The following RPL23A variants were observed in gnomAD, a reference collection of about 807,000 sequenced individuals.
RPL23A encodes the protein ribosomal protein L23a.
In RPL23A, 2 loss-of-function variants were observed where a neutral mutation model predicts 17.6. The observed-to-expected ratio is 0.11, with a 90% CI of 0.05 to 0.36. The LOEUF (loss-of-function observed/expected upper bound fraction) is 0.36. Among genes scored for constraint, RPL23A ranks in the 10% least tolerant of loss-of-function variants. RPL23A has a pLI of 1.00. For missense variants in RPL23A, 132 were observed against 194.4 expected, an observed-to-expected ratio of 0.68 and a Z score of 1.91; for synonymous variants, 65 against 74.3, an observed-to-expected ratio of 0.87 and a Z score of 0.65.
At chr17:28,720,197 T>G (rs887988907) in intron 1 of RPL23A, 167 bp downstream of exon 1, 337 of 1,532,552 alleles carry the variant, frequency 2.2e-4, no homozygotes, top group Non-Finnish European at 2.8e-4. Context: ...GGGCCCAGCC[T>G]CGTGGGCTGA....
At chr17:28,722,175 G>A (rs1285117392) in intron 2 of RPL23A, among the ~76,000 whole-genome samples, 1 of 151,486 alleles carries the variant, frequency 6.6e-6, no homozygotes, top group African/African-American at 2.4e-5. Flanking sequence ...TGTGAACCCA[G>A]GAGGCGGAGC....
In RPL23A at chr17:28,722,747, G is replaced by T. The variant is rs887213814; in HGVS notation, c.234G>T (p.Lys78Asn). ...GGCTTGACCACTATGCTATCATCAA[G>T]TTTCCGCTGACCACTGAGTCTGCCA... is the stretch of plus-strand genomic sequence containing the variant. ...RNKLDHYAIIKFPLTTESAMK... is the reference protein window; with the variant it reads ...RNKLDHYAIINFPLTTESAMK... Residue 78 changes from lysine (K) to asparagine (N), a missense_variant, in exon 3 of 5, where the codon AAG (lysine) becomes AAT (asparagine). Around this residue, in one of 2 missense-constraint regions of RPL23A, gnomAD observed 69 missense variants for 145.5 expected, o/e 0.47. Coordinates refer to ENST00000422514, the MANE Select transcript of RPL23A (RefSeq NM_000984.6). 1.2e-6 allele frequency: 2 copies of T among 1,614,108 alleles called. No homozygotes were observed. Among genetic ancestry groups the T allele is most frequent in the Non-Finnish European group, 1.7e-6 (2 of 1,179,998 alleles).
chr17:28,724,193 A>C lies in RPL23A; in HGVS notation c.*312A>C, dbSNP rs527920587. ...TTATCCCTGGAAGAGGCTGTGTATG[A>C]AACCAATGCCCAGGGTTTGAAGGGT... On this transcript the variant is annotated 3_prime_UTR_variant, in exon 5 of 5. Transcript: ENST00000422514. 2.7e-4 allele frequency: 138 copies of C among 505,814 alleles called. No homozygotes were observed. Among genetic ancestry groups the C allele is most frequent in the African/African-American group, 2.0e-3 (106 of 52,786 alleles). The allele number at this position is 505,814 out of a possible 1,614,324, so 31.3% of individuals were successfully genotyped here. A position where few individuals can be genotyped will look rare whatever the true frequency, so the allele number is the denominator to read the frequency against.
chr17:28,722,470 C>G, intron 2 of RPL23A: 1 of 608,598 alleles, frequency 1.6e-6, no homozygotes, highest in Non-Finnish European at 3.2e-6. Context: ...AGCCAGCACA[C>G]CTGGCCCAGA....
rs199757585 is a variant in RPL23A, at chr17:28,723,655, T to A, written c.456+15T>A. ...TTGCCAACAAAGTAAGTTTCCTTCC[T>A]ACAAACCCCTTAATGCTCACCCCTT... On this transcript the variant is annotated intron_variant, in intron 4 of 4. Transcript: ENST00000422514. The A allele has an allele frequency of 2.4e-5, 39 of 1,611,704 alleles. No homozygotes were observed. The highest frequency in any genetic ancestry group is 3.1e-5 in the Non-Finnish European group (36 of 1,177,898).
In RPL23A at chr17:28,720,179, GGCCGCGTGGGCCCA is replaced by G. The variant is rs1567750996; in HGVS notation, c.25+153_25+166del. The G allele has an allele frequency of 3.3e-6, 5 of 1,529,350 alleles. 1 individual carries two copies. The East Asian group carries it at 1.2e-4, about 38-fold the overall frequency. 94.7% of individuals were successfully genotyped at this position (1,529,350 alleles called of 1,614,324 possible). ...TTTCGGACACGCTGCAGTATACGTGGGCCGCGTGGGCCCAGCCTCGTGGGCTGAGTTCCGGTAGA... is the reference window on the plus strand; with the variant it reads ...TTTCGGACACGCTGCAGTATACGTGGGCCTCGTGGGCTGAGTTCCGGTAGA... On this transcript the variant is annotated intron_variant, in intron 1 of 4. Coordinates refer to ENST00000422514, the MANE Select transcript of RPL23A (RefSeq NM_000984.6).
chr17:28,720,055 G>C (rs1354000214), intron 1 of RPL23A, 25 bp downstream of exon 1: 2 of 1,551,252 alleles, frequency 1.3e-6, no homozygotes, highest in Non-Finnish European at 1.7e-6. Context: ...TGGGGCCGCA[G>C]CTGGTTTACC....
chr17:28,724,286 A>G lies in RPL23A; in HGVS notation c.*405A>G. ...GGTAGCATTTTGTCCTCACACACCCATCTACTATGTCCAACCGGTCTGTCT... is the reference window on the plus strand; with the variant it reads ...GGTAGCATTTTGTCCTCACACACCCGTCTACTATGTCCAACCGGTCTGTCT... On this transcript the variant is annotated 3_prime_UTR_variant, in exon 5 of 5. Transcript: ENST00000422514. 1 of 635,528 alleles carries G rather than the reference A, an allele frequency of 1.6e-6. No individual in the cohort carries two copies. Among genetic ancestry groups the G allele is most frequent in the Admixed American group, 2.8e-5 (1 of 36,016 alleles). The allele number at this position is 635,528 out of a possible 1,614,324, so 39.4% of individuals were successfully genotyped here. A position where few individuals can be genotyped will look rare whatever the true frequency, so the allele number is the denominator to read the frequency against.
intron 2 of RPL23A, chr17:28,721,171 G>A (rs2034107892): frequency 3.2e-6 from 1 of 308,876 alleles, no homozygotes; most frequent in African/African-American, 2.2e-5. Context: ...TGAGTGACAT[G>A]GAGAAACCCC....
chr17:28,723,713 GCC>G, intron 4 of RPL23A, 73 bp downstream of exon 4: 1 of 1,472,316 alleles, frequency 6.8e-7, no homozygotes, highest in South Asian at 1.1e-5. Flanking sequence ...AGCGACCAAA[GCC>G]TGATCTTTGC....
intron 1 of RPL23A, 61 bp downstream of exon 1, chr17:28,720,091 C>T: frequency 1.9e-6 from 3 of 1,545,268 alleles, no homozygotes; most frequent in South Asian, 2.4e-5. Flanking sequence ...GCAGAGCGAA[C>T]GAATTGGGAA....
In RPL23A at chr17:28,723,564, A is replaced by G. The variant is rs139098391; in HGVS notation, c.387-7A>G. On this transcript the variant is annotated splice_polypyrimidine_tract_variant and splice_region_variant and intron_variant, in intron 3 of 4. Transcript: ENST00000422514. ...GGCAGGGACTAAGGCTTCCTTCTCT[A>G]CCCTAGGCCTGATGGAGAGAAGAAG... is the stretch of plus-strand genomic sequence containing the variant. 8.4e-5 allele frequency: 135 copies of G among 1,611,870 alleles called. No individual in the cohort carries two copies. In the African/African-American group the frequency reaches 1.2e-3, roughly 15 times the overall value.
At chr17:28,723,288 GTCC>G (rs2034149078) in intron 3 of RPL23A, 2 of 593,652 alleles carry the variant, frequency 3.4e-6, no homozygotes, top group African/African-American at 3.7e-5. Context: ...TTGGGGGTTG[GTCC>G]TCATTTTCTG....
intron 3 of RPL23A, chr17:28,723,188 G>C (rs1013384801): frequency 2.4e-5 from 13 of 533,080 alleles, no homozygotes; most frequent in African/African-American, 1.9e-4. Context: ...CTTGGTGTAG[G>C]TTTAGCAGTG....
At chr17:28,723,709 C>G in intron 4 of RPL23A, 69 bp downstream of exon 4, 3 of 1,479,658 alleles carry the variant, frequency 2.0e-6, no homozygotes, top group Non-Finnish European at 2.8e-6. Context: ...TGTTAGCGAC[C>G]AAAGCCTGAT....
rs78234209 is a variant in RPL23A at position 28,723,781 on chromosome 17, A to G, written c.457-86A>G. On this transcript the variant is annotated intron_variant, in intron 4 of 4. Transcript: ENST00000422514. ...TATCCTTGACAAACCTTATCCTCACATTCCTCATTTTGCTTTCTAAAAATA... is the reference window on the plus strand; with the variant it reads ...TATCCTTGACAAACCTTATCCTCACGTTCCTCATTTTGCTTTCTAAAAATA... 3.3e-3 allele frequency: 4,608 copies of G among 1,408,746 alleles called. 102 individuals are homozygous for G. In the Admixed American group the frequency reaches 0.046, roughly 14 times the overall value. 87.3% of individuals were successfully genotyped at this position (1,408,746 alleles called of 1,614,324 possible).
intron 1 of RPL23A, chr17:28,720,352 T>G (rs1391212090): frequency 9.0e-6 from 14 of 1,553,408 alleles, no homozygotes; most frequent in Non-Finnish European, 1.2e-5. Flanking sequence ...GCCCTCAGCT[T>G]TAACCATTTT....
intron 2 of RPL23A, 83 bp from the exon 3 acceptor site, chr17:28,722,640 T>C (rs771843339): frequency 2.2e-5 from 24 of 1,105,432 alleles, no homozygotes; most frequent in Non-Finnish European, 3.1e-5. Flanking sequence ...TGGTACCTCG[T>C]TGTCTGATGC....
intron 4 of RPL23A, 61 bp downstream of exon 4, chr17:28,723,701 T>A (rs754792613): frequency 1.3e-6 from 2 of 1,506,146 alleles, no homozygotes; most frequent in African/African-American, 2.7e-5. Flanking sequence ...GATGCATATG[T>A]TAGCGACCAA....
Sources: allele counts gnomAD v4.1 joint callset (sites outside exome capture counted in the v4.1 genomes callset), GRCh38; gene constraint gnomAD v4.1.1; regional missense constraint gnomAD v4.1.1; transcripts MANE v1.5; gene names NCBI Gene and HGNC (gene_info 2026-07-23, HGNC 2026-07-21).